TTLL5: variants seen among roughly 807,000 people sequenced by gnomAD.
TTLL5 encodes the protein tubulin polyglutamylase TTLL5.
In TTLL5, 132 loss-of-function variants were observed where a neutral mutation model predicts 168.4. The observed-to-expected ratio is 0.78, with a 90% confidence interval of 0.68 to 0.91. TTLL5 has a LOEUF of 0.91. TTLL5 is among the 40% of genes least tolerant of loss of function. TTLL5 has a pLI of 0.00. For missense variants in TTLL5, 1,545 were observed against 1,581.5 expected (o/e 0.98, Z 0.39); for synonymous variants, 546 against 558.6 (o/e 0.98, Z 0.32).
chr14:75,742,553 G>A (rs1488128303), intron 15 of TTLL5, among the ~76,000 whole-genome samples: 1 of 152,152 alleles, frequency 6.6e-6, no homozygotes, highest in African/African-American at 2.4e-5. Context: ...GTGCCACCAA[G>A]CCCAGCTAAT....
intron 31 of TTLL5, among the ~76,000 whole-genome samples, chr14:75,924,163 G>A (rs2140145104): frequency 6.6e-6 from 1 of 151,508 alleles, no homozygotes; most frequent in South Asian, 2.1e-4. Context: ...GATGGGTCTT[G>A]ACTCTTTATC....
chr14:75,756,230 C>T (rs1315519338), intron 18 of TTLL5, among the ~76,000 whole-genome samples: 1 of 151,904 alleles, frequency 6.6e-6, no homozygotes, highest in Non-Finnish European at 1.5e-5. Context: ...TTTTTCTTTG[C>T]ATATCATCTA....
intron 30 of TTLL5, among the ~76,000 whole-genome samples, chr14:75,896,898 A>G (rs531425558): frequency 1.3e-5 from 2 of 152,286 alleles, no homozygotes; most frequent in East Asian, 3.9e-4. Flanking sequence ...TATGTTATAT[A>G]GTTATATAGG....
At chr14:75,807,099 G>C (rs1208286028) in intron 27 of TTLL5, among the ~76,000 whole-genome samples, 2 of 152,096 alleles carry the variant, frequency 1.3e-5, no homozygotes, top group Non-Finnish European at 2.9e-5. Context: ...TCACATGCTT[G>C]CTAAATTGAA....
At chr14:75,914,033 A>AAAAAAAAAAAATATAT in intron 31 of TTLL5, among the ~76,000 whole-genome samples, 6 of 71,100 alleles carry the variant, frequency 8.4e-5, no homozygotes, top group African/African-American at 6.2e-4. Flanking sequence ...AAAAAAAAAA[A>AAAAAAAAAAAATATAT]ATATATATAT....
intron 27 of TTLL5, among the ~76,000 whole-genome samples, chr14:75,811,387 G>C (rs1894016679): frequency 6.6e-6 from 1 of 151,856 alleles, no homozygotes; most frequent in Non-Finnish European, 1.5e-5. Flanking sequence ...TGCTGAATTA[G>C]ACTACTTTCT....
At chr14:75,703,353 G>A (rs1886418509) in intron 7 of TTLL5, among the ~76,000 whole-genome samples, 1 of 152,136 alleles carries the variant, frequency 6.6e-6, no homozygotes, top group Non-Finnish European at 1.5e-5. Flanking sequence ...ACCATTACGA[G>A]AACGAGATAA....
At position 75,735,080 on chromosome 14, in the gene TTLL5, C is replaced by A. The variant is rs1888797086; in HGVS notation, c.1187-115C>A. On this transcript the variant is annotated intron_variant, in intron 14 of 31. Coordinates refer to ENST00000298832, the MANE Select transcript of TTLL5 (RefSeq NM_015072.5). The stretch of plus-strand genomic sequence containing the variant: ...GTGCATTATGCTCCTGAGGATAGAT[C>A]TCTGTGATATTTATGACAGTGAAAC... 5.6e-6 allele frequency: 5 copies of A among 891,810 alleles called. No homozygotes were observed. In the Admixed American group the frequency reaches 7.7e-5, roughly 14 times the overall value. The allele number at this position is 891,810 out of a possible 1,614,324, so 55.2% of individuals were successfully genotyped here. A position where few individuals can be genotyped will look rare whatever the true frequency, so the allele number is the denominator to read the frequency against.
chr14:75,896,845 T>C (rs897871260), intron 30 of TTLL5, among the ~76,000 whole-genome samples: 2 of 152,184 alleles, frequency 1.3e-5, no homozygotes, highest in Non-Finnish European at 2.9e-5. Flanking sequence ...GGTGGGGCTA[T>C]TGCTCATTAT....
At chr14:75,701,960 A>T (rs1179728119) in intron 7 of TTLL5, among the ~76,000 whole-genome samples, 1 of 152,162 alleles carries the variant, frequency 6.6e-6, no homozygotes, top group Non-Finnish European at 1.5e-5. Flanking sequence ...GATGTGTTGT[A>T]TGTGGGACCA....
intron 1 of TTLL5, 165 bp downstream of exon 1, chr14:75,661,552 G>A (rs1890726720): frequency 6.6e-6 from 1 of 152,454 alleles, no homozygotes; most frequent in South Asian, 2.1e-4. Context: ...CTTCCCGGGG[G>A]GAGCATCTGC....
intron 31 of TTLL5, among the ~76,000 whole-genome samples, chr14:75,934,812 A>G (rs1365182170): frequency 6.6e-6 from 1 of 152,236 alleles, no homozygotes; most frequent in African/African-American, 2.4e-5. Flanking sequence ...TGCTCTAACC[A>G]TTCTCTCATT....
chr14:75,816,971 C>CTTCT (rs1388428211), intron 27 of TTLL5, among the ~76,000 whole-genome samples: 1 of 101,532 alleles, frequency 9.8e-6, no homozygotes, highest in Non-Finnish European at 2.0e-5. Flanking sequence ...TCTTCCCTGT[C>CTTCT]TTATTTTTTT....
At chr14:75,795,611 A>G (rs1321520759) in intron 27 of TTLL5, among the ~76,000 whole-genome samples, 1 of 152,090 alleles carries the variant, frequency 6.6e-6, no homozygotes, top group Admixed American at 6.5e-5. Flanking sequence ...AAAGTCCATT[A>G]TATAATCCTT....
At chr14:75,820,325 A>G (rs1414170568) in intron 28 of TTLL5, among the ~76,000 whole-genome samples, 164 bp downstream of exon 28, 1 of 152,174 alleles carries the variant, frequency 6.6e-6, no homozygotes, top group African/African-American at 2.4e-5. Flanking sequence ...GCCTCATTTT[A>G]TTTGTAAGAC....
rs142331899 is a variant in TTLL5, at chr14:75,781,003, A to G, written c.2515+1301A>G. On this transcript the variant is annotated intron_variant, in intron 24 of 31. Coordinates refer to ENST00000298832, the MANE Select transcript of TTLL5 (RefSeq NM_015072.5). ...TAAAAGTCAGGTGAGTGAATAGAAT[A>G]AGAAAGCTGGCAGAAGCTCTGAAAA... Among the ~76,000 whole-genome samples the G allele has an allele frequency of 4.1e-3, 618 of 152,324 alleles. 2 individuals carry two copies. Among genetic ancestry groups the G allele is most frequent in the Non-Finnish European group, 5.0e-3 (337 of 68,036 alleles).
At chr14:75,854,627 TC>T (rs1897041503) in intron 28 of TTLL5, among the ~76,000 whole-genome samples, 1 of 152,224 alleles carries the variant, frequency 6.6e-6, no homozygotes, top group South Asian at 2.1e-4. Context: ...TACACCCCCG[TC>T]AGCAATGTAT....
chr14:75,866,434 C>T (rs2139960491), intron 29 of TTLL5, among the ~76,000 whole-genome samples: 1 of 151,852 alleles, frequency 6.6e-6, no homozygotes, highest in East Asian at 1.9e-4. Flanking sequence ...TGTTTGAAAG[C>T]AGTAGATAGA....
intron 28 of TTLL5, among the ~76,000 whole-genome samples, chr14:75,827,401 G>A (rs919565206): frequency 2.0e-5 from 3 of 152,208 alleles, no homozygotes; most frequent in East Asian, 1.9e-4. Flanking sequence ...TAAAATGCTC[G>A]TAAAGAAAGA....
Sources: allele counts gnomAD v4.1 joint callset (sites outside exome capture counted in the v4.1 genomes callset), GRCh38; gene constraint gnomAD v4.1.1; transcripts MANE v1.5; gene names NCBI Gene and HGNC (gene_info 2026-07-23, HGNC 2026-07-21).